The following KATNAL2 variants were observed in gnomAD, a reference collection of about 807,000 sequenced individuals.
The protein encoded by KATNAL2 is katanin catalytic subunit A1 like 2.
KATNAL2 carries 52 observed loss-of-function variants against 76.3 expected under a neutral mutation model. The ratio of observed to expected loss-of-function variants is 0.68; its 90% CI spans 0.55 to 0.86. KATNAL2 has a LOEUF of 0.86. Ranked by LOEUF, KATNAL2 falls within the 40% of genes least tolerant of loss-of-function variation. KATNAL2 has a pLI of 0.00. For synonymous variants in KATNAL2, 243 were observed against 244.2 expected, an observed-to-expected ratio of 1.00 and a Z score of 0.05; for missense variants, 660 against 668.9, an observed-to-expected ratio of 0.99 and a Z score of 0.15.
chr18:46,927,017 A>C (rs747023964), intron 1 of KATNAL2, among the ~76,000 whole-genome samples: 5 of 152,162 alleles, frequency 3.3e-5, no homozygotes, highest in Non-Finnish European at 7.3e-5. Flanking sequence ...CAGCACGCTG[A>C]TGGGTCTTGA....
chr18:47,059,476 G>A, intron 7 of KATNAL2, 80 bp from the exon 8 acceptor site: 1 of 948,932 alleles, frequency 1.1e-6, no homozygotes, highest in Non-Finnish European at 1.7e-6. Flanking sequence ...ATCGGACTTT[G>A]CTTGATGGAG....
At position 47,071,953 on chromosome 18, in the gene KATNAL2, CTTTTTTTTTTTT is replaced by C. The variant is rs574265545; in HGVS notation, c.1008+2380_1008+2391del. The stretch of plus-strand genomic sequence containing the variant: ...GAAACAATTCCTCTCCCAATTTCTT[CTTTTTTTTTTTT>C]TTTTTTTTTTTTTTTTTTTTTTTTT... On this transcript the variant is annotated intron_variant, in intron 13 of 17. Coordinates refer to ENST00000683218, the MANE Select transcript of KATNAL2 (RefSeq NM_001387690.1). 9.1e-3 allele frequency among the ~76,000 whole-genome samples: 401 copies of C among 43,908 alleles called. 1 individual carries two copies. Among genetic ancestry groups the C allele is most frequent in the African/African-American group, 0.045 (377 of 8,310 alleles). 28.8% of individuals were successfully genotyped at this position (43,908 alleles called of 152,430 possible).
rs2063444278 is a variant in KATNAL2 at position 47,101,896 on chromosome 18, T to G, written c.*891T>G. On this transcript the variant is annotated 3_prime_UTR_variant, in exon 18 of 18. Coordinates refer to ENST00000683218, the MANE Select transcript of KATNAL2 (RefSeq NM_001387690.1). ...TCTCAGAAACCCACAATCCGAGGCATCTACTTTCAACCCTTGATAAATTTT... is the reference window on the plus strand; with the variant it reads ...TCTCAGAAACCCACAATCCGAGGCAGCTACTTTCAACCCTTGATAAATTTT... 1 of 152,228 alleles carries G rather than the reference T, an allele frequency of 6.6e-6. No individual in the cohort carries two copies. The highest frequency in any genetic ancestry group is 2.4e-5 in the African/African-American group (1 of 41,448). The allele number at this position is 152,228 out of a possible 1,614,324, so 9.4% of individuals were successfully genotyped here.
rs577996597 is a variant in KATNAL2 at position 47,102,153 on chromosome 18, C to T, written c.*1148C>T. 1 of 152,172 alleles carries T rather than the reference C, an allele frequency of 6.6e-6. No individual in the cohort carries two copies. The highest frequency in any genetic ancestry group is 1.5e-5 in the Non-Finnish European group (1 of 68,024). The allele number at this position is 152,172 out of a possible 1,614,324, so 9.4% of individuals were successfully genotyped here. On this transcript the variant is annotated 3_prime_UTR_variant, in exon 18 of 18. Transcript: ENST00000683218. ...GTATCGATTATTTTGAGATTATTCTCAAATGCCTCTTTAAACATCATTTCA... is the reference window on the plus strand; with the variant it reads ...GTATCGATTATTTTGAGATTATTCTTAAATGCCTCTTTAAACATCATTTCA...
chr18:47,071,457 G>A (rs113991413), intron 13 of KATNAL2, among the ~76,000 whole-genome samples: 272 of 152,222 alleles, frequency 1.8e-3, no homozygotes, highest in Non-Finnish European at 2.6e-3. Flanking sequence ...GCCTAGAGAC[G>A]ACTGTAGCTG....
chr18:46,942,560 G>C (rs993027202), intron 1 of KATNAL2, among the ~76,000 whole-genome samples: 4 of 152,178 alleles, frequency 2.6e-5, no homozygotes, highest in Non-Finnish European at 4.4e-5. Flanking sequence ...GTTGCAGTGA[G>C]CTGAGATTGC....
At chr18:46,928,891 G>T (rs1483424797) in intron 1 of KATNAL2, among the ~76,000 whole-genome samples, 1 of 152,106 alleles carries the variant, frequency 6.6e-6, no homozygotes, top group Non-Finnish European at 1.5e-5. Flanking sequence ...CACCTCCAGA[G>T]TTCAAGCAAT....
intron 1 of KATNAL2, among the ~76,000 whole-genome samples, chr18:46,922,101 CTT>C (rs10714256): frequency 3.8e-4 from 53 of 140,774 alleles, no homozygotes; most frequent in Admixed American, 4.3e-4. Flanking sequence ...TTTTTCCTCA[CTT>C]TTTTTTTTTT....
chr18:47,046,715 C>A (rs1474871623), intron 4 of KATNAL2, among the ~76,000 whole-genome samples, 188 bp downstream of exon 4: 1 of 152,140 alleles, frequency 6.6e-6, no homozygotes, highest in African/African-American at 2.4e-5. Context: ...CCAGTGACAT[C>A]TGTATTGATG....
chr18:46,940,402 C>T (rs902758470), intron 1 of KATNAL2, among the ~76,000 whole-genome samples: 3 of 152,216 alleles, frequency 2.0e-5, no homozygotes, highest in African/African-American at 4.8e-5. Flanking sequence ...AGGATATATA[C>T]CAACACAGAA....
chr18:47,066,988 A>C (rs2061834950), intron 10 of KATNAL2, 33 bp from the exon 11 acceptor site: 2 of 1,291,704 alleles, frequency 1.5e-6, no homozygotes, highest in Admixed American at 1.8e-5. Context: ...GGAAAACATC[A>C]GTTTTAAAAA....
chr18:47,054,051 T>A (rs577828108), intron 5 of KATNAL2, among the ~76,000 whole-genome samples: 28 of 152,316 alleles, frequency 1.8e-4, no homozygotes, highest in Non-Finnish European at 3.8e-4. Context: ...TGGTGTCCCA[T>A]GTAATGCAGC....
intron 1 of KATNAL2, among the ~76,000 whole-genome samples, chr18:46,934,395 T>C (rs1437392023): frequency 1.3e-5 from 2 of 152,206 alleles, no homozygotes; most frequent in East Asian, 1.9e-4. Context: ...TCTCTGATGG[T>C]CAGTGATGAT....
At chr18:46,920,212 G>A in intron 1 of KATNAL2, 1 of 502,248 alleles carries the variant, frequency 2.0e-6, no homozygotes, top group Non-Finnish European at 3.7e-6. Context: ...TGTCATTCTG[G>A]CCACAGTATT....
chr18:46,918,511 A>C (rs1441073391), intron 1 of KATNAL2, among the ~76,000 whole-genome samples: 1 of 151,926 alleles, frequency 6.6e-6, no homozygotes, highest in African/African-American at 2.4e-5. Context: ...CTGGAGTGCA[A>C]TGGCACGATC....
chr18:47,094,858 G>C (rs2063160228), intron 15 of KATNAL2, among the ~76,000 whole-genome samples: 1 of 152,116 alleles, frequency 6.6e-6, no homozygotes, highest in Admixed American at 6.6e-5. Flanking sequence ...CCTCTACCAA[G>C]GTATGGGAGA....
chr18:46,963,067 TTGTC>T (rs1340892152), intron 3 of KATNAL2: 3 of 923,732 alleles, frequency 3.2e-6, no homozygotes, highest in South Asian at 1.7e-5. Flanking sequence ...CAGATCATCT[TTGTC>T]TGTCGGCCGC....
chr18:47,083,400 T>C (rs575593530), intron 15 of KATNAL2, among the ~76,000 whole-genome samples: 1 of 152,312 alleles, frequency 6.6e-6, no homozygotes, highest in Non-Finnish European at 1.5e-5. Context: ...CCAAAAGAAA[T>C]TCCTTACAGT....
At chr18:47,095,958 T>A (rs2063214963) in intron 15 of KATNAL2, among the ~76,000 whole-genome samples, 1 of 152,158 alleles carries the variant, frequency 6.6e-6, no homozygotes, top group South Asian at 2.1e-4. Context: ...AGAGGGGGAA[T>A]GATTGTGCAA....
Sources: gnomAD v4.1 joint callset for allele counts (sites outside exome capture counted in the v4.1 genomes callset) on GRCh38, gnomAD v4.1.1 for gene constraint, MANE v1.5 for transcripts, NCBI Gene and HGNC (gene_info 2026-07-23, HGNC 2026-07-21) for gene names.